The following CNTN6 variants were observed in gnomAD, a reference collection of about 807,000 sequenced individuals.
The protein encoded by CNTN6 is contactin-6.
A neutral mutation model predicts 122.8 loss-of-function variants in CNTN6; 137 were observed. The ratio of observed to expected loss-of-function variants is 1.12; its 90% confidence interval spans 0.97 to 1.29. The LOEUF (loss-of-function observed/expected upper bound fraction) is 1.29, where lower values mean the gene tolerates loss of function less well. Ranked by LOEUF, CNTN6 falls within the 50% of genes most tolerant of loss-of-function variation. The pLI is 0.00. For missense variants in CNTN6, 1,634 were observed against 1,223.4 expected, an observed-to-expected ratio of 1.34 and a Z score of -5.01; for synonymous variants, 570 against 426.0, an observed-to-expected ratio of 1.34 and a Z score of -4.16.
At chr3:1,190,167 G>A (rs2093681287) in intron 2 of CNTN6, among the ~76,000 whole-genome samples, 1 of 152,146 alleles carries the variant, frequency 6.6e-6, no homozygotes, top group Admixed American at 6.5e-5. Flanking sequence ...AGGAGAAAGG[G>A]AGAGAGAAAG....
At chr3:1,181,166 T>A (rs941260306) in intron 2 of CNTN6, among the ~76,000 whole-genome samples, 1 of 152,150 alleles carries the variant, frequency 6.6e-6, no homozygotes, top group African/African-American at 2.4e-5. Flanking sequence ...TCTAATTCTC[T>A]TCCATTTTAA....
chr3:1,184,693 A>G (rs1001177695), intron 2 of CNTN6, among the ~76,000 whole-genome samples: 4 of 152,202 alleles, frequency 2.6e-5, no homozygotes, highest in Non-Finnish European at 4.4e-5. Context: ...GACTCTCAAT[A>G]TGGACATCTG....
chr3:1,094,035 A>C (rs932550911), intron 1 of CNTN6, among the ~76,000 whole-genome samples: 1 of 152,230 alleles, frequency 6.6e-6, no homozygotes, highest in African/African-American at 2.4e-5. Context: ...GAACAGTAGA[A>C]TCACACAGAA....
intron 2 of CNTN6, among the ~76,000 whole-genome samples, chr3:1,163,126 A>C (rs2093172205): frequency 1.3e-5 from 2 of 152,214 alleles, no homozygotes; most frequent in South Asian, 4.1e-4. Context: ...ATTTCTTAAT[A>C]GTTCTGATGA....
At chr3:1,094,485 TTTATGTGAGG>T (rs1447053391) in intron 1 of CNTN6, among the ~76,000 whole-genome samples, 3 of 152,182 alleles carry the variant, frequency 2.0e-5, no homozygotes, top group African/African-American at 7.2e-5. Context: ...TATATAAAGC[TTTATGTGAGG>T]TTATATAAAT....
intron 5 of CNTN6, among the ~76,000 whole-genome samples, chr3:1,290,100 C>A (rs1439672386): frequency 1.3e-5 from 2 of 152,192 alleles, no homozygotes; most frequent in African/African-American, 2.4e-5. Context: ...ATCACAGAGT[C>A]TGAGGGTGGA....
At chr3:1,387,104 T>TTATC (rs1174590081) in intron 20 of CNTN6, among the ~76,000 whole-genome samples, 2 of 151,226 alleles carry the variant, frequency 1.3e-5, no homozygotes, top group East Asian at 1.9e-4. Flanking sequence ...TTTCATGTTC[T>TTATC]TATCTATTTA....
At chr3:1,255,119 G>A (rs1227919236) in intron 4 of CNTN6, among the ~76,000 whole-genome samples, 3 of 152,136 alleles carry the variant, frequency 2.0e-5, no homozygotes, top group Admixed American at 2.0e-4. Flanking sequence ...CCAAGAGCAA[G>A]GGGATAGAAG....
intron 2 of CNTN6, among the ~76,000 whole-genome samples, chr3:1,155,480 ATTTT>A (rs59513993): frequency 6.6e-6 from 1 of 150,626 alleles, no homozygotes; most frequent in Non-Finnish European, 1.5e-5. Flanking sequence ...TGGGCTTAGG[ATTTT>A]TTTTTTAATT....
intron 1 of CNTN6, among the ~76,000 whole-genome samples, chr3:1,101,729 T>TAA (rs2090908202): frequency 6.6e-6 from 1 of 152,226 alleles, no homozygotes. Context: ...TGTAACAAAT[T>TAA]AAAGTGCTTG....
intron 7 of CNTN6, among the ~76,000 whole-genome samples, chr3:1,300,149 A>T (rs1050223383): frequency 1.3e-4 from 20 of 150,766 alleles, no homozygotes; most frequent in African/African-American, 4.9e-4. Context: ...GCTAATTGTA[A>T]TTTTTTTTTG....
intron 20 of CNTN6, among the ~76,000 whole-genome samples, chr3:1,386,115 A>T (rs1489810312): frequency 1.3e-5 from 2 of 152,188 alleles, no homozygotes; most frequent in East Asian, 3.8e-4. Context: ...TTGGAACGTT[A>T]GGTGGTATTT....
At chr3:1,250,253 A>G (rs552442306) in intron 4 of CNTN6, among the ~76,000 whole-genome samples, 7 of 152,326 alleles carry the variant, frequency 4.6e-5, no homozygotes, top group East Asian at 1.9e-4. Flanking sequence ...GACAACAGAA[A>G]TCAGGCTTCA....
At chr3:1,402,930 C>T (rs1336495394) in intron 22 of CNTN6, 2 of 197,456 alleles carry the variant, frequency 1.0e-5, no homozygotes, top group African/African-American at 4.7e-5. Flanking sequence ...AAGTCCTCCT[C>T]AAAACAATTT....
intron 2 of CNTN6, among the ~76,000 whole-genome samples, chr3:1,170,534 G>C (rs1334725251): frequency 1.3e-5 from 2 of 152,114 alleles, no homozygotes; most frequent in Admixed American, 6.5e-5. Flanking sequence ...CAGGAAGATA[G>C]AGAACTTAAC....
At position 1,327,484 on chromosome 3, in the gene CNTN6, CTCA is replaced by C; in HGVS notation, c.1116_1118del (p.Ile373del). On this transcript the variant is annotated inframe_deletion, in exon 10 of 23. Coordinates refer to ENST00000446702, the MANE Select transcript of CNTN6 (RefSeq NM_001289080.2). ...GAGAATTCAAATAGAAAATGGGACACTCATCATAACGATGCTGAATGTGTCAGA... is the reference window on the plus strand; with the variant it reads ...GAGAATTCAAATAGAAAATGGGACACTCATAACGATGCTGAATGTGTCAGA... 1 of 1,610,368 alleles carries C rather than the reference CTCA, an allele frequency of 6.2e-7. No individual in the cohort carries two copies. Among genetic ancestry groups the C allele is most frequent in the Non-Finnish European group, 8.5e-7 (1 of 1,177,776 alleles).
intron 14 of CNTN6, 135 bp from the exon 15 acceptor site, chr3:1,373,469 C>T (rs1269748678): frequency 2.7e-6 from 2 of 732,088 alleles, no homozygotes; most frequent in East Asian, 2.9e-5. Context: ...AACTTTATCG[C>T]TAATAATGTG....
intron 11 of CNTN6, among the ~76,000 whole-genome samples, chr3:1,340,017 G>C (rs977932881): frequency 1.3e-5 from 2 of 152,082 alleles, no homozygotes; most frequent in African/African-American, 4.8e-5. Context: ...TAAGATGTTT[G>C]ATACATCATT....
At chr3:1,132,093 C>T (rs11918422) in intron 1 of CNTN6, among the ~76,000 whole-genome samples, 5,302 of 152,154 alleles carry the variant, frequency 0.035, 191 homozygotes, top group African/African-American at 0.083. Flanking sequence ...TGCGTACATC[C>T]TCTGAAAAAC....
Sources: gnomAD v4.1 joint callset for allele counts (sites outside exome capture counted in the v4.1 genomes callset) on GRCh38, gnomAD v4.1.1 for gene constraint, MANE v1.5 for transcripts, NCBI Gene and HGNC (gene_info 2026-07-23, HGNC 2026-07-21) for gene names.